ARID4A: variants seen among roughly 807,000 people sequenced by gnomAD.
The protein encoded by ARID4A is AT-rich interactive domain-containing protein 4A.
ARID4A carries 39 observed loss-of-function variants against 148.6 expected under a neutral mutation model. The observed-to-expected ratio is 0.26, with a 90% CI of 0.20 to 0.34. The LOEUF is 0.34. Ranked by LOEUF, ARID4A falls within the 10% of genes least tolerant of loss-of-function variation. The pLI is 1.00. For missense variants in ARID4A, 1,265 were observed against 1,449.1 expected (o/e 0.87, Z 2.06); for synonymous variants, 475 against 481.2 (o/e 0.99, Z 0.17).
intron 4 of ARID4A, among the ~76,000 whole-genome samples, 157 bp downstream of exon 4, chr14:58,305,166 T>C (rs1277410521): frequency 1.3e-5 from 2 of 152,178 alleles, no homozygotes; most frequent in Admixed American, 1.3e-4. Flanking sequence ...AATTGTGATA[T>C]TGCAATGGCT....
intron 11 of ARID4A, among the ~76,000 whole-genome samples, chr14:58,343,320 G>A (rs1040815111): frequency 2.6e-5 from 4 of 152,152 alleles, no homozygotes; most frequent in African/African-American, 7.2e-5. Flanking sequence ...ATGAATGAAT[G>A]TACTAAAATA....
Position 58,364,203 on chromosome 14 carries a change from CT to C in ARID4A, c.2117del (p.Leu706Ter). The C allele has an allele frequency of 6.8e-7, 1 of 1,460,028 alleles. No homozygotes were observed. Among genetic ancestry groups the C allele is most frequent in the Non-Finnish European group, 9.1e-7 (1 of 1,101,156 alleles). 90.4% of individuals were successfully genotyped at this position (1,460,028 alleles called of 1,614,324 possible). A position where few individuals can be genotyped will look rare whatever the true frequency, so the allele number is the denominator to read the frequency against. ...SCSSDSETED[A>X]LEKNLINEEL... ...TCATCTGATAGTGAAACAGAAGATGCTTTAGAAAAGAATTTAATAAATGAAG... is the reference window on the plus strand; with the variant it reads ...TCATCTGATAGTGAAACAGAAGATGCTTAGAAAAGAATTTAATAAATGAAG... On this transcript the variant is annotated frameshift_variant, in exon 20 of 24. Coordinates refer to ENST00000355431, the MANE Select transcript of ARID4A (RefSeq NM_002892.4). LOFTEE classifies it high-confidence loss of function.
At chr14:58,341,295 A>T (rs2034107003) in intron 11 of ARID4A, among the ~76,000 whole-genome samples, 1 of 152,238 alleles carries the variant, frequency 6.6e-6, no homozygotes, top group African/African-American at 2.4e-5. Flanking sequence ...TAGCCACAGT[A>T]TCAAGTTTTG....
rs190955950 is a variant in ARID4A, at chr14:58,311,783, T to A, written c.274+5671T>A. On this transcript the variant is annotated intron_variant, in intron 5 of 23. Coordinates refer to ENST00000355431, the MANE Select transcript of ARID4A (RefSeq NM_002892.4). ...AAAAAGAAGGAAATCCTGACATTTC[T>A]TACAACATGGTTGAATCCAGGGGAC... is the stretch of plus-strand genomic sequence containing the variant. Among the ~76,000 whole-genome samples the A allele has an allele frequency of 5.3e-5, 8 of 152,308 alleles. No individual in the cohort carries two copies. In the East Asian group the frequency reaches 1.5e-3, roughly 29 times the overall value.
chr14:58,306,301 G>C (rs1173825681), intron 5 of ARID4A, among the ~76,000 whole-genome samples, 189 bp downstream of exon 5: 1 of 152,072 alleles, frequency 6.6e-6, no homozygotes, highest in Non-Finnish European at 1.5e-5. Context: ...ACAGTAAGTT[G>C]GCCACTTTTG....
chr14:58,328,125 G>A lies in ARID4A; in HGVS notation c.583-112G>A, dbSNP rs950640177. Reference sequence around the variant, plus strand: ...GCTATTTATAATGAAGCTGTTTTTTGTAAAATATAATCTATTTGAGAAGTT... The same window carrying A: ...GCTATTTATAATGAAGCTGTTTTTTATAAAATATAATCTATTTGAGAAGTT... On this transcript the variant is annotated intron_variant, in intron 8 of 23. Coordinates refer to ENST00000355431, the MANE Select transcript of ARID4A (RefSeq NM_002892.4). 10 of 733,272 alleles carry A rather than the reference G, an allele frequency of 1.4e-5. No individual in the cohort carries two copies. The African/African-American group carries it at 1.8e-4, about 13-fold the overall frequency. The allele number at this position is 733,272 out of a possible 1,614,324, so 45.4% of individuals were successfully genotyped here.
At chr14:58,332,287 A>G (rs1381129394) in intron 11 of ARID4A, among the ~76,000 whole-genome samples, 2 of 152,172 alleles carry the variant, frequency 1.3e-5, no homozygotes, top group African/African-American at 4.8e-5. Flanking sequence ...CACCTAAATT[A>G]TGAGCCTGTT....
At chr14:58,328,659 C>G (rs988347307) in intron 9 of ARID4A, among the ~76,000 whole-genome samples, 1 of 152,038 alleles carries the variant, frequency 6.6e-6, no homozygotes, top group Non-Finnish European at 1.5e-5. Flanking sequence ...TTTTTAATCT[C>G]TATTACAAGA....
chr14:58,322,556 A>G (rs929518649), intron 7 of ARID4A, among the ~76,000 whole-genome samples: 1 of 152,210 alleles, frequency 6.6e-6, no homozygotes, highest in East Asian at 1.9e-4. Context: ...AAAAAGGACT[A>G]AAACCATAAA....
intron 5 of ARID4A, among the ~76,000 whole-genome samples, chr14:58,314,100 T>C (rs1451990500): frequency 1.3e-5 from 2 of 152,248 alleles, no homozygotes; most frequent in Non-Finnish European, 2.9e-5. Flanking sequence ...TATGTTCTGC[T>C]AGACTCAATG....
chr14:58,328,257 T>C lies in ARID4A; in HGVS notation c.603T>C (p.Asn201=), dbSNP rs749071631. The change falls in exon 9 of 24, where the codon AAT becomes AAC. Residue 201 remains asparagine (N), a synonymous_variant. Transcript: ENST00000355431. ...YPALVISPSC[N]DDITVKKDQC... is the part of the protein sequence containing the mutation. ...TTCAGGTAATATCTCCCAGCTGTAA[T>C]GATGACATCACAGTGAAAAAGGATC... The C allele has an allele frequency of 6.2e-7, 1 of 1,601,906 alleles. No individual in the cohort carries two copies. The highest frequency in any genetic ancestry group is 1.1e-5 in the South Asian group (1 of 90,722).
intron 5 of ARID4A, 25 bp downstream of exon 5, chr14:58,306,137 A>G (rs1171913807): frequency 6.5e-7 from 1 of 1,541,762 alleles, no homozygotes; most frequent in Non-Finnish European, 9.0e-7. Flanking sequence ...AATTTAACAC[A>G]GATTTGATTT....
At position 58,306,108 on chromosome 14, in the gene ARID4A, C is replaced by A; in HGVS notation, c.270C>A (p.Thr90=). ...AGTTGACAGATGCTAGTTGGTATAC[C>A]GTGGGTAAGTAATTAAGTAATTTAA... ...ISKLTDASWY[T]VVFDDGDERT... Residue 90 remains threonine, a synonymous_variant, in exon 5 of 24, where the codon ACC becomes ACA. Transcript: ENST00000355431. 1 of 1,609,206 alleles carries A rather than the reference C, an allele frequency of 6.2e-7. No individual in the cohort carries two copies. Among genetic ancestry groups the A allele is most frequent in the African/African-American group, 1.3e-5 (1 of 74,846 alleles).
At chr14:58,356,991 G>A (rs566661785) in intron 17 of ARID4A, among the ~76,000 whole-genome samples, 1 of 152,204 alleles carries the variant, frequency 6.6e-6, no homozygotes, top group East Asian at 1.9e-4. Context: ...GAGCCACTGC[G>A]CCCGGCCTAA....
intron 11 of ARID4A, among the ~76,000 whole-genome samples, chr14:58,337,328 TCTC>T (rs1002659909): frequency 1.5e-4 from 22 of 147,738 alleles, no homozygotes; most frequent in Admixed American, 7.6e-4. Flanking sequence ...GAAAATGTTC[TCTC>T]CTCCTCTAGA....
rs1364876966 is a variant in ARID4A at position 58,329,139 on chromosome 14, A to T, written c.663-389A>T. On this transcript the variant is annotated intron_variant, in intron 9 of 23. Coordinates refer to ENST00000355431, the MANE Select transcript of ARID4A (RefSeq NM_002892.4). ...TAATATATTTTATAGTGATAAAAATATTTCAATATTACTGTCTAGTAAATG... is the reference window on the plus strand; with the variant it reads ...TAATATATTTTATAGTGATAAAAATTTTTCAATATTACTGTCTAGTAAATG... Among the ~76,000 whole-genome samples, 5 of 152,338 alleles carry T rather than the reference A, an allele frequency of 3.3e-5. No individual in the cohort carries two copies. The East Asian group carries it at 9.6e-4, about 29-fold the overall frequency.
Position 58,301,594 on chromosome 14 carries a change from T to G in ARID4A, c.21T>G (p.Pro7=). The change falls in exon 3 of 24, where the codon CCT becomes CCG. Residue 7 remains proline (P), a synonymous_variant. Coordinates refer to ENST00000355431, the MANE Select transcript of ARID4A (RefSeq NM_002892.4). MKAADE[P]AYLTVGTDVS... ...CCTTTCACCAGGCGGCAGATGAGCC[T>G]GCCTACCTGACAGTGGGAACCGATG... 1 of 1,613,940 alleles carries G rather than the reference T, an allele frequency of 6.2e-7. No homozygotes were observed. The highest frequency in any genetic ancestry group is 1.3e-5 in the African/African-American group (1 of 75,058).
At chr14:58,313,020 T>G (rs887093346) in intron 5 of ARID4A, among the ~76,000 whole-genome samples, 16 of 152,204 alleles carry the variant, frequency 1.1e-4, no homozygotes, top group Admixed American at 4.6e-4. Context: ...TCTAGCTGAT[T>G]AGGGTTAGGA....
chr14:58,366,762 TAGG>T, intron 22 of ARID4A, 118 bp from the exon 23 acceptor site: 2 of 708,868 alleles, frequency 2.8e-6, no homozygotes, highest in South Asian at 2.7e-5. Context: ...CAGCTTACTG[TAGG>T]AGATTTTAAT....
Sources: allele counts gnomAD v4.1 joint callset (sites outside exome capture counted in the v4.1 genomes callset), GRCh38; gene constraint gnomAD v4.1.1; transcripts MANE v1.5; gene names NCBI Gene and HGNC (gene_info 2026-07-23, HGNC 2026-07-21).